The following TSPAN9 variants were observed in gnomAD, a reference collection of about 807,000 sequenced individuals.
TSPAN9 encodes tetraspanin 9.
Under a neutral mutation model 31.0 loss-of-function variants are expected in TSPAN9, and 16 were observed. The observed-to-expected ratio is 0.52, with a 90% CI of 0.35 to 0.78. The LOEUF is 0.78. Ranked by LOEUF, TSPAN9 falls within the 30% of genes least tolerant of loss-of-function variation. TSPAN9 has a pLI of 0.01. For synonymous variants in TSPAN9, 145 were observed against 121.6 expected, an observed-to-expected ratio of 1.19 and a Z score of -1.27; for missense variants, 272 against 312.5, an observed-to-expected ratio of 0.87 and a Z score of 0.98.
At chr12:3,271,805 G>A (rs2153980130) in intron 3 of TSPAN9, among the ~76,000 whole-genome samples, 1 of 152,248 alleles carries the variant, frequency 6.6e-6, no homozygotes, top group Admixed American at 6.5e-5. Flanking sequence ...GAGCTGCGGG[G>A]GCCCTTGGAG....
chr12:3,140,196 T>C (rs1199847106), intron 2 of TSPAN9, among the ~76,000 whole-genome samples: 1 of 152,120 alleles, frequency 6.6e-6, no homozygotes, highest in Non-Finnish European at 1.5e-5. Flanking sequence ...AAGCGTGCAT[T>C]TAGTAATGCT....
intron 2 of TSPAN9, among the ~76,000 whole-genome samples, chr12:3,145,341 G>A (rs1157236153): frequency 6.6e-6 from 1 of 152,186 alleles, no homozygotes; most frequent in African/African-American, 2.4e-5. Flanking sequence ...CAGTGCTCTT[G>A]TTTGGGAAAT....
At chr12:3,230,324 G>A (rs2098389994) in intron 3 of TSPAN9, among the ~76,000 whole-genome samples, 1 of 152,134 alleles carries the variant, frequency 6.6e-6, no homozygotes, top group Non-Finnish European at 1.5e-5. Flanking sequence ...TCAGCTGGAA[G>A]AGTGGATGAA....
chr12:3,110,794 C>T (rs1289991240), intron 2 of TSPAN9, among the ~76,000 whole-genome samples: 1 of 152,204 alleles, frequency 6.6e-6, no homozygotes, highest in East Asian at 1.9e-4. Flanking sequence ...GTTACATATG[C>T]AAGTATTTAG....
At chr12:3,223,673 C>G (rs1172968118) in intron 3 of TSPAN9, among the ~76,000 whole-genome samples, 1 of 152,346 alleles carries the variant, frequency 6.6e-6, no homozygotes, top group East Asian at 1.9e-4. Flanking sequence ...ATTTCCTCAC[C>G]TATAAAATGG....
At chr12:3,112,357 G>A (rs1002417420) in intron 2 of TSPAN9, among the ~76,000 whole-genome samples, 1 of 151,528 alleles carries the variant, frequency 6.6e-6, no homozygotes, top group Non-Finnish European at 1.5e-5. Flanking sequence ...TGTAGTTTTA[G>A]TAGAGACGGG....
intron 3 of TSPAN9, among the ~76,000 whole-genome samples, chr12:3,234,988 A>G (rs1413675601): frequency 6.8e-5 from 10 of 146,670 alleles, no homozygotes; most frequent in Admixed American, 2.1e-4. Flanking sequence ...GTGAAACCCC[A>G]TCTCTACTAA....
intron 2 of TSPAN9, among the ~76,000 whole-genome samples, chr12:3,159,189 A>G (rs2098343811): frequency 6.6e-6 from 1 of 151,230 alleles, no homozygotes; most frequent in South Asian, 2.1e-4. Context: ...CTACGGCAAC[A>G]GGAGGGTGAA....
chr12:3,191,211 G>A (rs542504739), intron 2 of TSPAN9, among the ~76,000 whole-genome samples: 1 of 152,284 alleles, frequency 6.6e-6, no homozygotes, highest in African/African-American at 2.4e-5. Flanking sequence ...GAGTTGCTGA[G>A]AGGAGTGGGG....
At chr12:3,119,409 T>G (rs2098324062) in intron 2 of TSPAN9, among the ~76,000 whole-genome samples, 1 of 152,230 alleles carries the variant, frequency 6.6e-6, no homozygotes, top group South Asian at 2.1e-4. Context: ...GTCCGTGTTC[T>G]TTCCAGGTGG....
chr12:3,267,539 G>A (rs1862559464), intron 3 of TSPAN9, among the ~76,000 whole-genome samples: 1 of 152,236 alleles, frequency 6.6e-6, no homozygotes, highest in African/African-American at 2.4e-5. Flanking sequence ...CATCCTTGAA[G>A]GTTGGTTTCT....
intron 3 of TSPAN9, among the ~76,000 whole-genome samples, chr12:3,229,025 G>C (rs893685799): frequency 7.2e-5 from 11 of 152,282 alleles, no homozygotes; most frequent in African/African-American, 2.6e-4. Flanking sequence ...AGCCCTCCCA[G>C]GTCATCCAGG....
At position 3,281,342 on chromosome 12, in the gene TSPAN9, A is replaced by T. The variant is rs1297845811; in HGVS notation, c.564+13A>T. 1 of 1,546,108 alleles carries T rather than the reference A, an allele frequency of 6.5e-7. No homozygotes were observed. The highest frequency in any genetic ancestry group is 8.7e-7 in the Non-Finnish European group (1 of 1,144,184). ...TTTGTGGAGAACGGTGAGGCTGGGGATGGACCGCTTGGGTCCAAGAGCCCG... is the reference window on the plus strand; with the variant it reads ...TTTGTGGAGAACGGTGAGGCTGGGGTTGGACCGCTTGGGTCCAAGAGCCCG... On this transcript the variant is annotated intron_variant, in intron 7 of 8. Coordinates refer to ENST00000011898, the MANE Select transcript of TSPAN9 (RefSeq NM_006675.5).
At chr12:3,203,564 G>T (rs1032892978) in intron 3 of TSPAN9, among the ~76,000 whole-genome samples, 1 of 152,202 alleles carries the variant, frequency 6.6e-6, no homozygotes, top group Non-Finnish European at 1.5e-5. Context: ...CTAATTAGAA[G>T]GTACTGATTA....
chr12:3,227,818 G>A (rs1284076420), intron 3 of TSPAN9, among the ~76,000 whole-genome samples: 4 of 152,190 alleles, frequency 2.6e-5, no homozygotes, highest in Admixed American at 6.5e-5. Context: ...GCAGGCCCCA[G>A]GGAGGGCTGG....
chr12:3,166,925 T>C (rs547036851), intron 2 of TSPAN9, among the ~76,000 whole-genome samples: 35 of 152,322 alleles, frequency 2.3e-4, no homozygotes, highest in South Asian at 1.2e-3. Context: ...GCCTCCTGAC[T>C]AGCTGGGATT....
At chr12:3,228,032 A>G (rs1315957224) in intron 3 of TSPAN9, among the ~76,000 whole-genome samples, 1 of 152,186 alleles carries the variant, frequency 6.6e-6, no homozygotes, top group Admixed American at 6.5e-5. Flanking sequence ...ACCAGGCACT[A>G]TGCTAAATGC....
intron 3 of TSPAN9, among the ~76,000 whole-genome samples, chr12:3,218,913 C>G (rs900716275): frequency 6.6e-6 from 1 of 152,150 alleles, no homozygotes; most frequent in Non-Finnish European, 1.5e-5. Flanking sequence ...CTGGAGCCCC[C>G]CAAAGAGAGG....
chr12:3,151,800 G>A (rs1268111399), intron 2 of TSPAN9, among the ~76,000 whole-genome samples: 1 of 152,158 alleles, frequency 6.6e-6, no homozygotes. Context: ...GTGTGCGCCT[G>A]TACTCCCAGC....
Sources: allele counts gnomAD v4.1 joint callset (sites outside exome capture counted in the v4.1 genomes callset), GRCh38; gene constraint gnomAD v4.1.1; transcripts MANE v1.5; gene names NCBI Gene and HGNC (gene_info 2026-07-23, HGNC 2026-07-21).